The following ANO3 variants were observed in gnomAD, a reference collection of about 807,000 sequenced individuals.
The protein encoded by ANO3 is anoctamin 3.
Under a neutral mutation model 144.8 loss-of-function variants are expected in ANO3, and 99 were observed. The ratio of observed to expected loss-of-function variants is 0.68; its 90% confidence interval spans 0.58 to 0.81. The LOEUF (loss-of-function observed/expected upper bound fraction) is 0.81, where lower values mean the gene tolerates loss of function less well. ANO3 is among the 30% of genes least tolerant of loss of function. ANO3 has a pLI of 0.00. For synonymous variants in ANO3, 414 were observed against 392.6 expected, an observed-to-expected ratio of 1.05 and a Z score of -0.64; for missense variants, 905 against 1,202.2, an observed-to-expected ratio of 0.75 and a Z score of 3.66.
chr11:26,259,352 A>G (rs1429429734), intron 1 of ANO3, among the ~76,000 whole-genome samples: 1 of 152,190 alleles, frequency 6.6e-6, no homozygotes, highest in Non-Finnish European at 1.5e-5. Context: ...GGAGGTGAAT[A>G]GAAAGTGATA....
At chr11:26,638,687 G>GT (rs2133052048) in intron 20 of ANO3, among the ~76,000 whole-genome samples, 1 of 152,316 alleles carries the variant, frequency 6.6e-6, no homozygotes, top group South Asian at 2.1e-4. Context: ...CTAGAACTGT[G>GT]TAAGGAGTGT....
intron 1 of ANO3, among the ~76,000 whole-genome samples, chr11:26,236,088 A>G (rs538240249): frequency 3.3e-5 from 5 of 152,276 alleles, no homozygotes; most frequent in Admixed American, 2.6e-4. Flanking sequence ...TAGAACTCCC[A>G]TTCTGTTTTT....
intron 14 of ANO3, among the ~76,000 whole-genome samples, chr11:26,591,225 A>T: frequency 6.6e-6 from 1 of 152,124 alleles, no homozygotes; most frequent in Non-Finnish European, 1.5e-5. Context: ...TCTCAACAGG[A>T]AAACTCAAGT....
At chr11:26,360,207 A>G (rs1443835444) in intron 1 of ANO3, among the ~76,000 whole-genome samples, 2 of 106,244 alleles carry the variant, frequency 1.9e-5, no homozygotes, top group Admixed American at 3.1e-4. Context: ...CACTTACTGC[A>G]TTGCTTTTGT....
intron 1 of ANO3, among the ~76,000 whole-genome samples, chr11:26,423,420 G>A (rs1302005549): frequency 1.4e-5 from 2 of 145,360 alleles, no homozygotes; most frequent in Non-Finnish European, 3.0e-5. Flanking sequence ...CTCAAAAATT[G>A]TTTAGAATTA....
At chr11:26,373,424 G>A (rs1856317464) in intron 1 of ANO3, among the ~76,000 whole-genome samples, 1 of 152,104 alleles carries the variant, frequency 6.6e-6, no homozygotes, top group African/African-American at 2.4e-5. Context: ...GCCTGCTTCT[G>A]TTTTGCCTTC....
chr11:26,537,664 C>T (rs929789989), intron 10 of ANO3, among the ~76,000 whole-genome samples: 3 of 152,158 alleles, frequency 2.0e-5, no homozygotes, highest in African/African-American at 7.2e-5. Context: ...TTGCCCCATA[C>T]TGGGAATCCC....
chr11:26,579,718 C>T (rs536660288), intron 14 of ANO3, among the ~76,000 whole-genome samples: 1 of 151,988 alleles, frequency 6.6e-6, no homozygotes, highest in South Asian at 2.1e-4. Context: ...TATTAAGTCA[C>T]GTGGATCTTT....
In ANO3 at chr11:26,542,001, C is replaced by T. The variant is rs781405072; in HGVS notation, c.1087C>T (p.His363Tyr). 5.0e-6 allele frequency: 8 copies of T among 1,612,744 alleles called. No individual in the cohort carries two copies. In the South Asian group the frequency reaches 8.8e-5, roughly 18 times the overall value. ...IKTHGPQNNR[H>Y]LLYERWARWG... is the part of the protein sequence containing the mutation. ...AACCCATGGACCTCAGAATAACAGA[C>T]ATCTATTATATGAGCGCTGGGCACG... is the stretch of plus-strand genomic sequence containing the variant. Residue 363 changes from histidine to tyrosine, a missense_variant, in exon 11 of 27, where the codon CAT becomes TAT. His to Tyr is a moderately conservative substitution (Grantham distance 83, BLOSUM62 2). This residue lies in a region of ANO3 where 597 missense variants were observed against 865.1 expected (regional missense o/e 0.69). Transcript: ENST00000256737.
intron 4 of ANO3, among the ~76,000 whole-genome samples, chr11:26,493,119 C>T (rs1030547891): frequency 6.6e-6 from 1 of 152,276 alleles, no homozygotes; most frequent in African/African-American, 2.4e-5. Flanking sequence ...GCCTTAATAA[C>T]TTGATTAAGT....
intron 14 of ANO3, among the ~76,000 whole-genome samples, chr11:26,595,460 GT>G (rs201712393): frequency 0.32 from 32,819 of 101,720 alleles, 4,071 homozygotes; most frequent in South Asian, 0.51. Context: ...AGATAGAGTT[GT>G]TTTTTTTTTT....
chr11:26,378,435 C>CTGTCT (rs1554946635), intron 1 of ANO3, among the ~76,000 whole-genome samples: 1 of 142,912 alleles, frequency 7.0e-6, no homozygotes, highest in African/African-American at 2.5e-5. Flanking sequence ...ATCTATCTAT[C>CTGTCT]ATCTATCTAT....
chr11:26,411,646 A>G (rs1857435840), intron 1 of ANO3, among the ~76,000 whole-genome samples: 1 of 151,936 alleles, frequency 6.6e-6, no homozygotes, highest in Non-Finnish European at 1.5e-5. Flanking sequence ...TTCTGCATGC[A>G]CTTATCTGAT....
chr11:26,477,324 T>A (rs541886961), intron 4 of ANO3, among the ~76,000 whole-genome samples: 1 of 152,238 alleles, frequency 6.6e-6, no homozygotes, highest in African/African-American at 2.4e-5. Flanking sequence ...GTGACTCCTA[T>A]CATACTCCCA....
intron 18 of ANO3, 57 bp from the exon 19 acceptor site, chr11:26,634,147 A>G: frequency 1.0e-6 from 1 of 995,912 alleles, no homozygotes. Flanking sequence ...CTCCATGTCC[A>G]GAGTCTTGAT....
chr11:26,261,693 T>C (rs1265621365), intron 1 of ANO3, among the ~76,000 whole-genome samples: 1 of 152,226 alleles, frequency 6.6e-6, no homozygotes, highest in Non-Finnish European at 1.5e-5. Flanking sequence ...TAGATGGGCC[T>C]TAACCTTTAC....
chr11:26,266,717 TC>T lies in ANO3; in HGVS notation c.155-42926del, dbSNP rs564188015. ...CAAAGTGCTGGGATTACAGGCGTGA[TC>T]CACCGTGCCCGGCCACCAAATGTAA... On this transcript the variant is annotated intron_variant, in intron 1 of 27. Transcript: ENST00000672621. Among the ~76,000 whole-genome samples, 215 of 150,094 alleles carry T rather than the reference TC, an allele frequency of 1.4e-3. 1 individual carries two copies. Among genetic ancestry groups the T allele is most frequent in the Middle Eastern group, 3.5e-3 (1 of 286 alleles).
At chr11:26,320,701 AAT>A (rs1472991930) in intron 1 of ANO3, among the ~76,000 whole-genome samples, 1 of 152,100 alleles carries the variant, frequency 6.6e-6, no homozygotes, top group Non-Finnish European at 1.5e-5. Context: ...ACCTTTACAT[AAT>A]GTTTCTGTTT....
intron 12 of ANO3, among the ~76,000 whole-genome samples, chr11:26,548,842 G>A (rs886688968): frequency 4.0e-5 from 6 of 151,290 alleles, no homozygotes; most frequent in Non-Finnish European, 5.9e-5. Context: ...AACAAACTTC[G>A]GCCCACCGGA....
Sources: gnomAD v4.1 joint callset for allele counts (sites outside exome capture counted in the v4.1 genomes callset) on GRCh38, gnomAD v4.1.1 for gene constraint, gnomAD v4.1.1 regional missense constraint, MANE v1.5 for transcripts, NCBI Gene and HGNC (gene_info 2026-07-23, HGNC 2026-07-21) for gene names.